The following DNAH14 variants were observed in gnomAD, a reference collection of about 807,000 sequenced individuals.
DNAH14 encodes axonemal beta dynein heavy chain 14.
Under a neutral mutation model 520.9 loss-of-function variants are expected in DNAH14, and 478 were observed. The ratio of observed to expected loss-of-function variants is 0.92; its 90% CI spans 0.85 to 0.99. The LOEUF is 0.99. DNAH14 is among the 50% of genes least tolerant of loss of function. The pLI is 0.00. For missense variants in DNAH14, 4,831 were observed against 5,234.5 expected, an observed-to-expected ratio of 0.92 and a Z score of 2.38; for synonymous variants, 1,581 against 1,757.2, an observed-to-expected ratio of 0.90 and a Z score of 2.51.
chr1:225,346,033 A>C lies in DNAH14; in HGVS notation c.10750A>C (p.Lys3584Gln), dbSNP rs1180477298. The change falls in exon 70 of 86, where the codon AAG (lysine) becomes CAG (glutamine). Residue 3584 changes from lysine to glutamine, a missense_variant. Coordinates refer to ENST00000682510, the MANE Select transcript of DNAH14 (RefSeq NM_001367479.1). ...CAAAATGACATCAAACGAAATTTCA[A>C]AGCGCATCGAAGCAACAAAAAAAGC... Reference protein sequence around the residue: ...KSKMTSNEISKRIEATKKAES... With the variant: ...KSKMTSNEISQRIEATKKAES... 2 of 1,551,582 alleles carry C rather than the reference A, an allele frequency of 1.3e-6. No homozygotes were observed. The highest frequency in any genetic ancestry group is 1.7e-6 in the Non-Finnish European group (2 of 1,146,990).
In DNAH14 at chr1:224,967,422, TA is replaced by T. The variant is rs1237723537; in HGVS notation, c.499-7del. 1 of 1,515,498 alleles carries T rather than the reference TA, an allele frequency of 6.6e-7. No individual in the cohort carries two copies. Among genetic ancestry groups the T allele is most frequent in the African/African-American group, 1.4e-5 (1 of 70,154 alleles). The allele number at this position is 1,515,498 out of a possible 1,614,324, so 93.9% of individuals were successfully genotyped here. A position where few individuals can be genotyped will look rare whatever the true frequency, so the allele number is the denominator to read the frequency against. On this transcript the variant is annotated splice_region_variant and splice_polypyrimidine_tract_variant and intron_variant, in intron 5 of 85. Transcript: ENST00000682510. ...TTAAATTTGTTTATTATTTTTTTTT[TA>T]ATCTCAGAAACCTTTGGAAGATGAT...
intron 41 of DNAH14, among the ~76,000 whole-genome samples, chr1:225,211,294 T>C (rs564900060): frequency 4.9e-4 from 75 of 152,072 alleles, no homozygotes; most frequent in African/African-American, 1.8e-3. Context: ...GACTAACCAG[T>C]TTAGAGAAGA....
At chr1:224,937,325 A>C (rs1053881405) in intron 1 of DNAH14, among the ~76,000 whole-genome samples, 10 of 152,068 alleles carry the variant, frequency 6.6e-5, no homozygotes, top group African/African-American at 2.4e-4. Context: ...TACCAAAAAA[A>C]CTGATAGAAC....
At chr1:224,931,603 G>A (rs2058703641) in intron 1 of DNAH14, among the ~76,000 whole-genome samples, 2 of 152,134 alleles carry the variant, frequency 1.3e-5, no homozygotes, top group East Asian at 1.9e-4. Context: ...TTCTCAGTCC[G>A]TGTTATCTAT....
chr1:225,125,059 G>A (rs2148904624), intron 27 of DNAH14, among the ~76,000 whole-genome samples: 1 of 152,208 alleles, frequency 6.6e-6, no homozygotes, highest in Non-Finnish European at 1.5e-5. Flanking sequence ...TTAACAGTAG[G>A]TCCCAACAGT....
At chr1:225,129,974 A>G (rs1338053415) in intron 27 of DNAH14, among the ~76,000 whole-genome samples, 7 of 152,134 alleles carry the variant, frequency 4.6e-5, no homozygotes, top group Admixed American at 4.6e-4. Context: ...ATTTACAAGA[A>G]AAAAACAAAC....
At chr1:224,958,866 G>C (rs894663472) in intron 3 of DNAH14, among the ~76,000 whole-genome samples, 3 of 152,206 alleles carry the variant, frequency 2.0e-5, no homozygotes, top group South Asian at 4.1e-4. Context: ...CAGGCAATTG[G>C]TACTTATCAA....
intron 11 of DNAH14, among the ~76,000 whole-genome samples, chr1:225,033,985 G>A (rs1439685403): frequency 6.6e-6 from 1 of 151,698 alleles, no homozygotes; most frequent in African/African-American, 2.4e-5. Context: ...GAAACTATAG[G>A]TAAAGAATCA....
intron 34 of DNAH14, among the ~76,000 whole-genome samples, chr1:225,157,772 C>A (rs2081181812): frequency 6.6e-6 from 1 of 152,090 alleles, no homozygotes; most frequent in Non-Finnish European, 1.5e-5. Flanking sequence ...TGATGTGGCC[C>A]CCTCCCTTTG....
At chr1:225,013,485 G>A (rs2064969660) in intron 10 of DNAH14, among the ~76,000 whole-genome samples, 2 of 152,170 alleles carry the variant, frequency 1.3e-5, no homozygotes, top group African/African-American at 4.8e-5. Context: ...TTAGCACTGT[G>A]CTGGGAGATC....
At chr1:225,158,579 T>C (rs1461020328) in intron 34 of DNAH14, among the ~76,000 whole-genome samples, 1 of 152,152 alleles carries the variant, frequency 6.6e-6, no homozygotes, top group Non-Finnish European at 1.5e-5. Flanking sequence ...TGCCATACAC[T>C]GATTGACTAG....
chr1:225,204,453 G>A lies in DNAH14; in HGVS notation c.5977+180G>A, dbSNP rs1414472192. Among the ~76,000 whole-genome samples the A allele has an allele frequency of 7.9e-5, 12 of 152,100 alleles. No homozygotes were observed. In the East Asian group the frequency reaches 2.3e-3, roughly 29 times the overall value. On this transcript the variant is annotated intron_variant, in intron 39 of 85. Transcript: ENST00000682510. ...GTGTTACCACATATTATATTACAAT[G>A]TATACATATATATATAATTACATTA... is the stretch of plus-strand genomic sequence containing the variant.
intron 28 of DNAH14, 72 bp from the exon 29 acceptor site, chr1:225,144,324 TC>T: frequency 8.6e-7 from 1 of 1,157,866 alleles, no homozygotes; most frequent in South Asian, 1.5e-5. Context: ...TAATCTTGAT[TC>T]TTTTTCTGCA....
chr1:224,967,750 G>T (rs545267177), intron 6 of DNAH14, 167 bp downstream of exon 6: 2 of 1,520,476 alleles, frequency 1.3e-6, no homozygotes, highest in African/African-American at 1.4e-5. Flanking sequence ...TAATAGTGAA[G>T]TTTTTCCTTT....
At chr1:225,057,801 C>A (rs1338052804) in intron 17 of DNAH14, among the ~76,000 whole-genome samples, 3 of 152,048 alleles carry the variant, frequency 2.0e-5, no homozygotes, top group Non-Finnish European at 4.4e-5. Context: ...TGGTTTTTGT[C>A]GTTGGTTCTG....
intron 11 of DNAH14, among the ~76,000 whole-genome samples, chr1:225,038,385 G>T (rs2067160860): frequency 6.6e-6 from 1 of 151,570 alleles, no homozygotes; most frequent in Non-Finnish European, 1.5e-5. Context: ...TACTCTCCTT[G>T]TACTTCCAAC....
At chr1:225,355,264 T>C (rs6686051) in intron 73 of DNAH14, among the ~76,000 whole-genome samples, 1 of 151,930 alleles carries the variant, frequency 6.6e-6, no homozygotes, top group South Asian at 2.1e-4. Context: ...CTCTTTTCTT[T>C]CTTTTTTTAT....
chr1:225,082,637 T>TG lies in DNAH14; in HGVS notation c.3225_3226insG (p.Pro1076AlafsTer22). On this transcript the variant is annotated frameshift_variant, in exon 20 of 86. Transcript: ENST00000682510. LOFTEE classifies it high-confidence loss of function. ...TGCCTATCATTATAGCTCTGGGAAA[T>TG]CCCTGTCTCAAGCCAAGGCATTGGG... The TG allele has an allele frequency of 6.4e-7, 1 of 1,551,588 alleles. No individual in the cohort carries two copies. The highest frequency in any genetic ancestry group is 1.4e-5 in the African/African-American group (1 of 73,172).
chr1:225,097,080 A>G lies in DNAH14; in HGVS notation c.3574-38A>G, dbSNP rs1182834197. The G allele has an allele frequency of 2.7e-6, 4 of 1,476,454 alleles. No individual in the cohort carries two copies. The South Asian group carries it at 4.1e-5, about 15-fold the overall frequency. The allele number at this position is 1,476,454 out of a possible 1,614,324, so 91.5% of individuals were successfully genotyped here. On this transcript the variant is annotated intron_variant, in intron 21 of 85. Transcript: ENST00000682510. ...TAACTCTTAAAGAATAATTTTATAT[A>G]TTTAGATTTGTATGTGTATATGTTT...
Sources: allele counts gnomAD v4.1 joint callset (sites outside exome capture counted in the v4.1 genomes callset), GRCh38; gene constraint gnomAD v4.1.1; transcripts MANE v1.5; gene names NCBI Gene and HGNC (gene_info 2026-07-23, HGNC 2026-07-21).